Variants in MYO1E observed in about 807,000 individuals in gnomAD.
MYO1E encodes unconventional myosin-Ie.
MYO1E carries 68 observed loss-of-function variants against 151.1 expected under a neutral mutation model. That is an observed-to-expected ratio of 0.45 (90% CI 0.37 to 0.55). The LOEUF is 0.55. Among genes scored for constraint, MYO1E ranks in the 20% least tolerant of loss-of-function variants. The pLI is 0.00. For missense variants in MYO1E, 1,363 were observed against 1,389.3 expected, an observed-to-expected ratio of 0.98 and a Z score of 0.30; for synonymous variants, 601 against 501.7, an observed-to-expected ratio of 1.20 and a Z score of -2.64.
rs1269718951 is a variant in MYO1E, at chr15:59,135,833, T to C, written c.*1547A>G. On this transcript the variant is annotated 3_prime_UTR_variant, in exon 28 of 28. Coordinates refer to ENST00000288235, the MANE Select transcript of MYO1E (RefSeq NM_004998.4). ...GCTATGGCACCCAGAGGAGGAAAGG[T>C]AGAGAAATGGCAGTCTCTACTTACA... is the stretch of plus-strand genomic sequence containing the variant. 6.6e-6 allele frequency: 1 copy of C among 152,294 alleles called. No homozygotes were observed. The highest frequency in any genetic ancestry group is 2.4e-5 in the African/African-American group (1 of 41,556). The allele number at this position is 152,294 out of a possible 1,614,324, so 9.4% of individuals were successfully genotyped here.
chr15:59,312,322 A>C (rs2080557458), intron 1 of MYO1E, among the ~76,000 whole-genome samples: 1 of 152,222 alleles, frequency 6.6e-6, no homozygotes, highest in South Asian at 2.1e-4. Flanking sequence ...AGAAGAGAAA[A>C]GATCGTGTGC....
chr15:59,135,954 C>G lies in MYO1E; in HGVS notation c.*1426G>C, dbSNP rs1347785517. ...AGTTTGTTAGGGCTGCCGTAACAAACTACCACAAACCGAGTGGCTTAAACA... is the reference window on the plus strand; with the variant it reads ...AGTTTGTTAGGGCTGCCGTAACAAAGTACCACAAACCGAGTGGCTTAAACA... On this transcript the variant is annotated 3_prime_UTR_variant, in exon 28 of 28. Transcript: ENST00000288235. 1 of 152,246 alleles carries G rather than the reference C, an allele frequency of 6.6e-6. No individual in the cohort carries two copies. The highest frequency in any genetic ancestry group is 2.4e-5 in the African/African-American group (1 of 41,460). 9.4% of individuals were successfully genotyped at this position (152,246 alleles called of 1,614,324 possible).
chr15:59,317,611 G>A (rs534967842), intron 1 of MYO1E, among the ~76,000 whole-genome samples: 1 of 152,248 alleles, frequency 6.6e-6, no homozygotes, highest in African/African-American at 2.4e-5. Context: ...TTTCAGGACT[G>A]CCCCATATTA....
Position 59,249,512 on chromosome 15 carries a change from G to A in MYO1E, c.332+6772C>T, listed in dbSNP as rs769674607. 2.0e-5 allele frequency among the ~76,000 whole-genome samples: 3 copies of A among 152,044 alleles called. No individual in the cohort carries two copies. In the South Asian group the frequency reaches 6.2e-4, roughly 32 times the overall value. On this transcript the variant is annotated intron_variant, in intron 4 of 27. Transcript: ENST00000288235. ...TCCATCCTGTCACCGTATCCACTGCGTTGGAAAATATGAGTAAGACTGACA... is the reference window on the plus strand; with the variant it reads ...TCCATCCTGTCACCGTATCCACTGCATTGGAAAATATGAGTAAGACTGACA...
At chr15:59,348,108 T>C (rs1405358725) in intron 1 of MYO1E, among the ~76,000 whole-genome samples, 2 of 151,798 alleles carry the variant, frequency 1.3e-5, no homozygotes, top group Admixed American at 1.3e-4. Flanking sequence ...TCGCCATGTT[T>C]TGGAGGCCTC....
intron 1 of MYO1E, 97 bp downstream of exon 1, chr15:59,372,401 C>T (rs973878570): frequency 1.4e-6 from 2 of 1,457,852 alleles, no homozygotes; most frequent in African/African-American, 1.4e-5. Context: ...TTCTCCACCC[C>T]TGGCCCCGGC....
chr15:59,172,984 C>T (rs546184848), intron 21 of MYO1E, among the ~76,000 whole-genome samples: 2 of 152,192 alleles, frequency 1.3e-5, no homozygotes, highest in East Asian at 1.9e-4. Flanking sequence ...TTGACCTCCC[C>T]GCCCCTGGCA....
At chr15:59,182,712 G>T (rs1204840995) in intron 18 of MYO1E, among the ~76,000 whole-genome samples, 1 of 152,176 alleles carries the variant, frequency 6.6e-6, no homozygotes, top group Non-Finnish European at 1.5e-5. Flanking sequence ...CCTACTCAGA[G>T]TGCGGCACAG....
chr15:59,293,552 A>G (rs1308073308), intron 1 of MYO1E, among the ~76,000 whole-genome samples: 1 of 152,070 alleles, frequency 6.6e-6, no homozygotes, highest in African/African-American at 2.4e-5. Context: ...TCTAAAAAAA[A>G]AAACAAAATA....
At chr15:59,306,082 C>T (rs1174344018) in intron 1 of MYO1E, among the ~76,000 whole-genome samples, 4 of 152,132 alleles carry the variant, frequency 2.6e-5, no homozygotes, top group Non-Finnish European at 5.9e-5. Context: ...CTCAGGTGGG[C>T]ATTTTTCTAT....
intron 5 of MYO1E, among the ~76,000 whole-genome samples, chr15:59,236,104 G>A (rs1044855284): frequency 5.3e-5 from 8 of 151,942 alleles, no homozygotes; most frequent in African/African-American, 1.7e-4. Context: ...CACTTTGGGA[G>A]GCCGAGGAGG....
At chr15:59,179,990 G>C (rs955777807) in intron 18 of MYO1E, among the ~76,000 whole-genome samples, 7 of 152,210 alleles carry the variant, frequency 4.6e-5, no homozygotes, top group Non-Finnish European at 1.0e-4. Flanking sequence ...CTACTGTCAC[G>C]ATTAGACTGA....
rs531335745 is a variant in MYO1E at position 59,195,455 on chromosome 15, C to G, written c.1805+6G>C. On this transcript the variant is annotated splice_donor_region_variant and intron_variant, in intron 17 of 27. Coordinates refer to ENST00000288235, the MANE Select transcript of MYO1E (RefSeq NM_004998.4). ...CGGCCCCACCTAAGCCGGTTTCCCC[C>G]GATACCTGCTTTCCTCCCAGTCTCT... is the stretch of plus-strand genomic sequence containing the variant. 2 of 1,610,110 alleles carry G rather than the reference C, an allele frequency of 1.2e-6. No homozygotes were observed. The highest frequency in any genetic ancestry group is 1.7e-5 in the Admixed American group (1 of 59,970).
At chr15:59,155,497 T>A (rs980216148) in intron 25 of MYO1E, among the ~76,000 whole-genome samples, 8 of 152,172 alleles carry the variant, frequency 5.3e-5, no homozygotes, top group African/African-American at 1.4e-4. Flanking sequence ...TCTCATTTTT[T>A]TGATGAAGGA....
chr15:59,268,205 G>A (rs1287688021), intron 2 of MYO1E, among the ~76,000 whole-genome samples: 2 of 152,214 alleles, frequency 1.3e-5, no homozygotes, highest in East Asian at 1.9e-4. Context: ...CCACTTAGCA[G>A]AGGAAGACTT....
At chr15:59,264,694 G>A (rs191088758) in intron 2 of MYO1E, among the ~76,000 whole-genome samples, 23 of 152,280 alleles carry the variant, frequency 1.5e-4, no homozygotes, top group Admixed American at 1.2e-3. Context: ...GATTTTTAAA[G>A]TATCTTTTCT....
intron 2 of MYO1E, among the ~76,000 whole-genome samples, chr15:59,268,006 A>G (rs2080266616): frequency 6.6e-6 from 1 of 152,198 alleles, no homozygotes; most frequent in Admixed American, 6.5e-5. Context: ...CTGACTTTCA[A>G]CACAAGACAA....
At chr15:59,155,427 T>C (rs60440107) in intron 25 of MYO1E, among the ~76,000 whole-genome samples, 8,864 of 152,262 alleles carry the variant, frequency 0.058, 390 homozygotes, top group African/African-American at 0.12. Flanking sequence ...CCCTGAAAAC[T>C]CCTGGTCTTT....
At chr15:59,230,269 T>C (rs1246276877) in intron 6 of MYO1E, among the ~76,000 whole-genome samples, 1 of 151,858 alleles carries the variant, frequency 6.6e-6, no homozygotes, top group East Asian at 1.9e-4. Flanking sequence ...TGAATGTGTG[T>C]CTGAATTGTC....
Sources: gnomAD v4.1 joint callset for allele counts (sites outside exome capture counted in the v4.1 genomes callset) on GRCh38, gnomAD v4.1.1 for gene constraint, MANE v1.5 for transcripts, NCBI Gene and HGNC (gene_info 2026-07-23, HGNC 2026-07-21) for gene names.